The following GRM7 variants were observed in gnomAD, a reference collection of about 807,000 sequenced individuals.
The protein encoded by GRM7 is metabotropic glutamate receptor 7.
In GRM7, 35 loss-of-function variants were observed where a neutral mutation model predicts 84.5. The ratio of observed to expected loss-of-function variants is 0.41; its 90% CI spans 0.32 to 0.55. The LOEUF (loss-of-function observed/expected upper bound fraction) is 0.55. GRM7 is among the 20% of genes least tolerant of loss of function. The pLI is 0.19. For missense variants in GRM7, 1,003 were observed against 1,194.6 expected, an observed-to-expected ratio of 0.84 and a Z score of 2.36; for synonymous variants, 487 against 455.1, an observed-to-expected ratio of 1.07 and a Z score of -0.89.
intron 7 of GRM7, among the ~76,000 whole-genome samples, chr3:7,469,874 A>C (rs868091461): frequency 1.8e-4 from 27 of 152,236 alleles, no homozygotes; most frequent in Admixed American, 1.3e-4. Context: ...TTAACTTGAG[A>C]TGCGAGACCC....
At chr3:6,878,696 C>G (rs1165095437) in intron 1 of GRM7, among the ~76,000 whole-genome samples, 2 of 152,162 alleles carry the variant, frequency 1.3e-5, no homozygotes, top group African/African-American at 2.4e-5. Flanking sequence ...GCATGCCAAG[C>G]AGGCAAGTTC....
At chr3:7,414,393 T>A (rs1253410781) in intron 4 of GRM7, among the ~76,000 whole-genome samples, 1 of 152,124 alleles carries the variant, frequency 6.6e-6, no homozygotes, top group East Asian at 1.9e-4. Flanking sequence ...TTCATAGATT[T>A]GGGATTTGAG....
chr3:7,434,195 ATTAC>A (rs1487234311), intron 5 of GRM7, among the ~76,000 whole-genome samples: 2 of 152,198 alleles, frequency 1.3e-5, no homozygotes, highest in African/African-American at 4.8e-5. Flanking sequence ...TTCAATGTTT[ATTAC>A]TTATAGTAGC....
chr3:7,415,229 C>A, intron 5 of GRM7, 66 bp downstream of exon 5: 11 of 1,332,912 alleles, frequency 8.3e-6, no homozygotes, highest in Non-Finnish European at 7.4e-6. Context: ...GTCTGCATAG[C>A]TGACAGAAGG....
At chr3:6,913,745 G>C (rs1399658639) in intron 1 of GRM7, among the ~76,000 whole-genome samples, 1 of 152,080 alleles carries the variant, frequency 6.6e-6, no homozygotes, top group Non-Finnish European at 1.5e-5. Flanking sequence ...AAGTAGGTAT[G>C]GGTTGTTTGC....
At chr3:7,458,103 A>G (rs770298506) in intron 6 of GRM7, among the ~76,000 whole-genome samples, 1 of 152,224 alleles carries the variant, frequency 6.6e-6, no homozygotes, top group Non-Finnish European at 1.5e-5. Flanking sequence ...ACGTTGATGC[A>G]GAAGACTGGT....
chr3:6,959,140 A>G (rs1351463177), intron 1 of GRM7, among the ~76,000 whole-genome samples: 3 of 152,200 alleles, frequency 2.0e-5, no homozygotes, highest in Non-Finnish European at 2.9e-5. Context: ...CTCTCTACAC[A>G]TGATCTCATT....
chr3:7,677,515 A>C (rs916985575), intron 8 of GRM7, among the ~76,000 whole-genome samples: 1 of 152,160 alleles, frequency 6.6e-6, no homozygotes, highest in Non-Finnish European at 1.5e-5. Context: ...ATTCTTATCC[A>C]CTGTGCTATG....
intron 1 of GRM7, among the ~76,000 whole-genome samples, chr3:7,107,132 C>T (rs569170829): frequency 1.7e-4 from 26 of 152,136 alleles, no homozygotes; most frequent in Admixed American, 1.4e-3. Flanking sequence ...CATTTATTTT[C>T]TTTCATCCAG....
At chr3:7,537,616 A>G (rs1370015224) in intron 7 of GRM7, among the ~76,000 whole-genome samples, 1 of 152,208 alleles carries the variant, frequency 6.6e-6, no homozygotes, top group Non-Finnish European at 1.5e-5. Flanking sequence ...CAATTGCTAC[A>G]TTGATTAGAC....
At chr3:7,580,896 A>C (rs948671114) in intron 8 of GRM7, among the ~76,000 whole-genome samples, 1 of 152,146 alleles carries the variant, frequency 6.6e-6, no homozygotes, top group African/African-American at 2.4e-5. Flanking sequence ...AGAAGAAAAA[A>C]AAAATCCCCA....
At chr3:7,120,834 G>T (rs1367483497) in intron 1 of GRM7, among the ~76,000 whole-genome samples, 3 of 152,092 alleles carry the variant, frequency 2.0e-5, no homozygotes, top group Admixed American at 1.3e-4. Context: ...ATTTTCTGGA[G>T]AATAGTTTTT....
At chr3:7,472,840 C>G (rs1389799595) in intron 7 of GRM7, among the ~76,000 whole-genome samples, 2 of 152,176 alleles carry the variant, frequency 1.3e-5, no homozygotes, top group Non-Finnish European at 2.9e-5. Context: ...TCCCCCTACC[C>G]CCACTTATGA....
At chr3:6,996,281 C>T (rs554074855) in intron 1 of GRM7, among the ~76,000 whole-genome samples, 5 of 152,268 alleles carry the variant, frequency 3.3e-5, no homozygotes, top group South Asian at 4.1e-4. Context: ...AGGCAGAGAC[C>T]TCGTGATCCA....
intron 4 of GRM7, among the ~76,000 whole-genome samples, chr3:7,380,721 G>C (rs561382581): frequency 1.9e-4 from 29 of 152,154 alleles, no homozygotes; most frequent in Admixed American, 1.4e-3. Context: ...TAACTATCCT[G>C]AAGGTAGCAA....
At chr3:6,990,559 T>G (rs1694596891) in intron 1 of GRM7, among the ~76,000 whole-genome samples, 1 of 152,162 alleles carries the variant, frequency 6.6e-6, no homozygotes, top group African/African-American at 2.4e-5. Context: ...GGACGGGGGC[T>G]GAGTTGGCTT....
intron 1 of GRM7, among the ~76,000 whole-genome samples, chr3:7,076,730 A>C (rs1425006916): frequency 2.0e-5 from 3 of 152,176 alleles, no homozygotes; most frequent in Non-Finnish European, 4.4e-5. Context: ...GCTATTAGGT[A>C]AATATATCAT....
At chr3:7,669,812 A>G (rs1699849062) in intron 8 of GRM7, among the ~76,000 whole-genome samples, 1 of 152,216 alleles carries the variant, frequency 6.6e-6, no homozygotes, top group Non-Finnish European at 1.5e-5. Context: ...CTCTCACTGC[A>G]TCTGCCTTGG....
intron 8 of GRM7, among the ~76,000 whole-genome samples, chr3:7,657,767 A>C (rs1699268343): frequency 6.6e-6 from 1 of 152,152 alleles, no homozygotes; most frequent in South Asian, 2.1e-4. Flanking sequence ...GGAAATGATA[A>C]TAGAGGGAAA....
Sources: gnomAD v4.1 joint callset for allele counts (sites outside exome capture counted in the v4.1 genomes callset) on GRCh38, gnomAD v4.1.1 for gene constraint, MANE v1.5 for transcripts, NCBI Gene and HGNC (gene_info 2026-07-23, HGNC 2026-07-21) for gene names.